CACNA1D: variants seen among roughly 807,000 people sequenced by gnomAD.
CACNA1D encodes the protein voltage-dependent L-type calcium channel subunit alpha-1D.
In CACNA1D, 55 loss-of-function variants were observed where a neutral mutation model predicts 257.1. That is an observed-to-expected ratio of 0.21 (90% CI 0.17 to 0.27). The LOEUF is 0.27. Among genes scored for constraint, CACNA1D ranks in the 10% least tolerant of loss-of-function variants. The probability of loss-of-function intolerance (pLI) is 1.00; values close to 1 mark genes in which losing one functional copy is unlikely to be tolerated. For missense variants in CACNA1D, 1,876 were observed against 2,784.0 expected (o/e 0.67, Z 7.34); for synonymous variants, 980 against 1,014.9 (o/e 0.97, Z 0.65).
intron 3 of CACNA1D, among the ~76,000 whole-genome samples, chr3:53,568,906 C>T (rs2092896510): frequency 6.6e-6 from 1 of 152,188 alleles, no homozygotes. Context: ...ACCAAATCTG[C>T]TGTCATCAAG....
At chr3:53,747,635 T>C (rs995286004) in intron 26 of CACNA1D, among the ~76,000 whole-genome samples, 187 bp downstream of exon 26, 15 of 152,204 alleles carry the variant, frequency 9.9e-5, no homozygotes. Flanking sequence ...GTGGATGATT[T>C]GTGAAGCAGG....
rs1447411036 is a variant in CACNA1D at position 53,611,315 on chromosome 3, T to A, written c.484-39464T>A. Among the ~76,000 whole-genome samples, 3 of 152,116 alleles carry A rather than the reference T, an allele frequency of 2.0e-5. No homozygotes were observed. The East Asian group carries it at 5.8e-4, about 29-fold the overall frequency. On this transcript the variant is annotated intron_variant, in intron 3 of 47. Coordinates refer to ENST00000350061, the MANE Select transcript of CACNA1D (RefSeq NM_001128840.3). The stretch of plus-strand genomic sequence containing the variant: ...CAGGAGGATTGCTTAAGTCCAGGAG[T>A]TGGAGGCTGCAGTTGAGTCATGATT...
At chr3:53,770,222 G>A (rs1273015480) in intron 31 of CACNA1D, among the ~76,000 whole-genome samples, 4 of 152,234 alleles carry the variant, frequency 2.6e-5, no homozygotes, top group Non-Finnish European at 5.9e-5. Context: ...GGACATGCAT[G>A]TGCTGTGTGG....
At chr3:53,555,621 C>A (rs2092630333) in intron 3 of CACNA1D, among the ~76,000 whole-genome samples, 1 of 151,964 alleles carries the variant, frequency 6.6e-6, no homozygotes, top group African/African-American at 2.4e-5. Context: ...CTCTTCAAAT[C>A]ATTCTCAATC....
Position 53,495,507 on chromosome 3 carries a change from G to T in CACNA1D, c.67+274G>T, listed in dbSNP as rs908999728. On this transcript the variant is annotated intron_variant, in intron 1 of 47. Coordinates refer to ENST00000350061, the MANE Select transcript of CACNA1D (RefSeq NM_001128840.3). The surrounding 1 kb of genome is among the most constrained non-coding windows in gnomAD (Gnocchi z 5.1). ...AGCCGGAGGGGCGGCGAGTCGGGGT[G>T]ATTCGGGTTCAGTGTCCTCGGGCTC... Among the ~76,000 whole-genome samples, 1 of 152,076 alleles carries T rather than the reference G, an allele frequency of 6.6e-6. No individual in the cohort carries two copies. The highest frequency in any genetic ancestry group is 2.1e-4 in the South Asian group (1 of 4,816).
At chr3:53,803,593 T>C (rs758244297) in intron 44 of CACNA1D, 21 bp downstream of exon 44, 2 of 1,612,538 alleles carry the variant, frequency 1.2e-6, no homozygotes, top group African/African-American at 1.3e-5. Flanking sequence ...CTGGCTCCTG[T>C]GGAGAGCGGG....
At position 53,751,615 on chromosome 3, in the gene CACNA1D, G is replaced by A. The variant is rs998190835; in HGVS notation, c.3517-134G>A. 10 of 897,666 alleles carry A rather than the reference G, an allele frequency of 1.1e-5. No individual in the cohort carries two copies. Among genetic ancestry groups the A allele is most frequent in the Middle Eastern group, 3.3e-4 (1 of 3,060 alleles). The allele number at this position is 897,666 out of a possible 1,614,324, so 55.6% of individuals were successfully genotyped here. A position where few individuals can be genotyped will look rare whatever the true frequency, so the allele number is the denominator to read the frequency against. ...GCCAGCAGCAGGAAGGGGGTCACTC[G>A]TAATCATTTTCACCATCGTCCACGG... On this transcript the variant is annotated intron_variant, in intron 27 of 47. Transcript: ENST00000350061. The surrounding 1 kb of genome is among the most constrained non-coding windows in gnomAD (Gnocchi z 4.3).
At chr3:53,518,539 C>T (rs1210772940) in intron 3 of CACNA1D, among the ~76,000 whole-genome samples, 1 of 152,110 alleles carries the variant, frequency 6.6e-6, no homozygotes, top group Non-Finnish European at 1.5e-5. Flanking sequence ...CTTGCACAAC[C>T]CACACATAGG....
intron 3 of CACNA1D, among the ~76,000 whole-genome samples, chr3:53,503,404 C>T (rs1559758931): frequency 1.3e-5 from 2 of 152,208 alleles, no homozygotes; most frequent in South Asian, 2.1e-4. Flanking sequence ...GATAGATCAT[C>T]GTAGTCTAGG....
At chr3:53,655,033 C>G (rs930201464) in intron 4 of CACNA1D, among the ~76,000 whole-genome samples, 2 of 152,112 alleles carry the variant, frequency 1.3e-5, no homozygotes, top group Non-Finnish European at 2.9e-5. Flanking sequence ...GTGTTCTCAT[C>G]ATTTAGCTCC....
intron 8 of CACNA1D, among the ~76,000 whole-genome samples, chr3:53,702,359 G>C (rs2094635062): frequency 6.6e-6 from 1 of 152,170 alleles, no homozygotes; most frequent in Non-Finnish European, 1.5e-5. Context: ...ATGGTGTTTT[G>C]GGCCTAGGCC....
intron 3 of CACNA1D, among the ~76,000 whole-genome samples, chr3:53,511,104 G>A (rs538561181): frequency 3.4e-4 from 51 of 152,136 alleles, no homozygotes; most frequent in Non-Finnish European, 4.3e-4. Flanking sequence ...TATCCAATCC[G>A]GTATGTCTCT....
chr3:53,638,667 G>A (rs916339406), intron 3 of CACNA1D, among the ~76,000 whole-genome samples: 2 of 152,186 alleles, frequency 1.3e-5, no homozygotes, highest in African/African-American at 2.4e-5. Flanking sequence ...AGTGAGGAGG[G>A]GTAAAGTCAC....
intron 38 of CACNA1D, 54 bp downstream of exon 38, chr3:53,780,182 A>G: frequency 7.4e-7 from 1 of 1,353,982 alleles, no homozygotes; most frequent in Non-Finnish European, 1.1e-6. Flanking sequence ...GAGACATCAC[A>G]TCCCATCTTG....
At chr3:53,726,257 A>G (rs2094933662) in intron 14 of CACNA1D, among the ~76,000 whole-genome samples, 2 of 152,212 alleles carry the variant, frequency 1.3e-5, no homozygotes, top group Non-Finnish European at 2.9e-5. Flanking sequence ...ACGTGTTTAA[A>G]TCTGTAGTTG....
At chr3:53,778,266 G>A (rs767701451) in intron 37 of CACNA1D, among the ~76,000 whole-genome samples, 32 of 152,128 alleles carry the variant, frequency 2.1e-4, no homozygotes, top group Middle Eastern at 3.4e-3. Flanking sequence ...GTGGGATCCC[G>A]TTCACTGATG....
chr3:53,564,753 A>G (rs375831661), intron 3 of CACNA1D, among the ~76,000 whole-genome samples: 32 of 152,188 alleles, frequency 2.1e-4, no homozygotes, highest in African/African-American at 7.7e-4. Flanking sequence ...TGCTATTTCC[A>G]TTTTATAGGT....
chr3:53,595,797 G>A (rs1342069400), intron 3 of CACNA1D, among the ~76,000 whole-genome samples: 1 of 152,198 alleles, frequency 6.6e-6, no homozygotes, highest in African/African-American at 2.4e-5. Flanking sequence ...CCCTCGATGA[G>A]TTTACAGTCT....
chr3:53,632,347 G>C (rs148620503), intron 3 of CACNA1D, among the ~76,000 whole-genome samples: 161 of 152,336 alleles, frequency 1.1e-3, no homozygotes, highest in Middle Eastern at 3.4e-3. Context: ...AGCCTTTATA[G>C]AATTTAAGAG....
Sources: gnomAD v4.1 joint callset for allele counts (sites outside exome capture counted in the v4.1 genomes callset) on GRCh38, gnomAD v4.1.1 for gene constraint, Gnocchi (gnomAD v3.1) non-coding constraint, MANE v1.5 for transcripts, NCBI Gene and HGNC (gene_info 2026-07-23, HGNC 2026-07-21) for gene names.